Variants in ABCA12 observed in about 807,000 individuals in gnomAD.
The protein encoded by ABCA12 is glucosylceramide transporter ABCA12.
A neutral mutation model predicts 293.5 loss-of-function variants in ABCA12; 156 were observed. That is an observed-to-expected ratio of 0.53 (90% CI 0.47 to 0.61). The LOEUF (loss-of-function observed/expected upper bound fraction) is 0.61. Ranked by LOEUF, ABCA12 falls within the 20% of genes least tolerant of loss-of-function variation. The pLI is 0.00. For missense variants in ABCA12, 2,797 were observed against 3,090.2 expected (o/e 0.91, Z 2.25); for synonymous variants, 1,063 against 1,108.0 (o/e 0.96, Z 0.81).
chr2:215,108,913 C>T (rs918645301), intron 2 of ABCA12, among the ~76,000 whole-genome samples: 5 of 152,054 alleles, frequency 3.3e-5, no homozygotes, highest in Admixed American at 1.3e-4. Context: ...ACTAAAAATA[C>T]AAAAATTAGC....
Position 215,134,320 on chromosome 2 carries a change from A to G in ABCA12, c.69+3820T>C, listed in dbSNP as rs180990019. Among the ~76,000 whole-genome samples the G allele has an allele frequency of 1.7e-3, 254 of 147,110 alleles. 1 individual carries two copies. Among genetic ancestry groups the G allele is most frequent in the African/African-American group, 6.0e-3 (243 of 40,394 alleles). ...TACATATATACGTATATGTGTATAT[A>G]TGTATATATGTACATATATATGTAT... is the stretch of plus-strand genomic sequence containing the variant. On this transcript the variant is annotated intron_variant, in intron 1 of 52. Coordinates refer to ENST00000272895, the MANE Select transcript of ABCA12 (RefSeq NM_173076.3).
chr2:215,132,650 C>G (rs994539339), intron 1 of ABCA12, among the ~76,000 whole-genome samples: 4 of 152,002 alleles, frequency 2.6e-5, no homozygotes, highest in East Asian at 3.9e-4. Flanking sequence ...AGGTGAGTCT[C>G]TTGTAGACAG....
chr2:215,124,275 G>A (rs182177497), intron 1 of ABCA12, among the ~76,000 whole-genome samples: 1 of 152,270 alleles, frequency 6.6e-6, no homozygotes, highest in East Asian at 1.9e-4. Context: ...CTATAAACGT[G>A]TGTGCAAGTA....
In ABCA12 at chr2:215,052,535, A is replaced by G. The variant is rs1424310480; in HGVS notation, c.459T>C (p.Tyr153=). ...CGAGCACTTGACTGCCATTGAAAGT[A>G]TATGTTCCGGGGATTTCCAAATCAG... The part of the protein sequence containing the change: ...PSSDLEIPGT[Y]TFNGSQVLAR... Residue 153 remains tyrosine (Y), a synonymous_variant, in exon 5 of 53, where the codon TAT becomes TAC. Transcript: ENST00000272895. 4.3e-6 allele frequency: 7 copies of G among 1,612,772 alleles called. No homozygotes were observed. The South Asian group carries it at 4.4e-5, about 10-fold the overall frequency.
At chr2:214,981,407 C>T (rs1699649567) in intron 30 of ABCA12, among the ~76,000 whole-genome samples, 1 of 152,180 alleles carries the variant, frequency 6.6e-6, no homozygotes, top group African/African-American at 2.4e-5. Context: ...GCTTCACATC[C>T]TGTCAGCACT....
At chr2:214,936,890 G>A (rs1018752740) in intron 51 of ABCA12, among the ~76,000 whole-genome samples, 1 of 150,796 alleles carries the variant, frequency 6.6e-6, no homozygotes, top group African/African-American at 2.4e-5. Context: ...GATCAGCAAG[G>A]TATACAACTT....
At chr2:215,096,261 G>A (rs1411831170) in intron 2 of ABCA12, among the ~76,000 whole-genome samples, 20 of 152,126 alleles carry the variant, frequency 1.3e-4, no homozygotes, top group Non-Finnish European at 2.4e-4. Context: ...CTATGAAGTA[G>A]GTTCTTTGAT....
intron 14 of ABCA12, among the ~76,000 whole-genome samples, chr2:215,017,249 G>C (rs1700524876): frequency 6.6e-6 from 1 of 152,204 alleles, no homozygotes; most frequent in African/African-American, 2.4e-5. Flanking sequence ...TTGAATGGAT[G>C]AGGCCTTAAG....
chr2:215,005,618 A>C (rs1700235703), intron 19 of ABCA12, among the ~76,000 whole-genome samples: 1 of 152,184 alleles, frequency 6.6e-6, no homozygotes, highest in African/African-American at 2.4e-5. Flanking sequence ...TCTGTATCAG[A>C]GCATCACTAA....
At chr2:215,077,597 A>G (rs1701858200) in intron 2 of ABCA12, among the ~76,000 whole-genome samples, 1 of 152,226 alleles carries the variant, frequency 6.6e-6, no homozygotes, top group Non-Finnish European at 1.5e-5. Context: ...TCCACTGAGC[A>G]TCATCTGCTA....
At position 215,011,473 on chromosome 2, in the gene ABCA12, T is replaced by C. The variant is rs751015866; in HGVS notation, c.2298A>G (p.Gln766=). The change falls in exon 17 of 53, where the codon CAA becomes CAG. Residue 766 remains glutamine (Q), a synonymous_variant. Transcript: ENST00000272895. ...TGGGAATTCCATATTTTGAAGCAATTTGCTCTTTAGTTAATTTATAAGTCA... is the reference window on the plus strand; with the variant it reads ...TGGGAATTCCATATTTTGAAGCAATCTGCTCTTTAGTTAATTTATAAGTCA... The part of the protein sequence containing the change: ...DFLTYKLTKE[Q]IASKYGIPIN... 19 of 1,613,862 alleles carry C rather than the reference T, an allele frequency of 1.2e-5. No homozygotes were observed. The highest frequency in any genetic ancestry group is 1.4e-5 in the Non-Finnish European group (17 of 1,179,862).
At chr2:214,950,295 C>T (rs1420318626) in intron 45 of ABCA12, among the ~76,000 whole-genome samples, 8 of 151,562 alleles carry the variant, frequency 5.3e-5, no homozygotes, top group African/African-American at 1.7e-4. Context: ...ACCAATCTCC[C>T]ATGGATATGG....
At chr2:215,086,361 C>G (rs2106100861) in intron 2 of ABCA12, among the ~76,000 whole-genome samples, 1 of 152,302 alleles carries the variant, frequency 6.6e-6, no homozygotes, top group African/African-American at 2.4e-5. Flanking sequence ...AAATGAGAGC[C>G]TCTAGGAGAA....
At chr2:214,955,118 T>C (rs577930183) in intron 43 of ABCA12, 84 bp downstream of exon 43, 1 of 1,503,546 alleles carries the variant, frequency 6.7e-7, no homozygotes, top group African/African-American at 1.4e-5. Context: ...ATGATATTCT[T>C]CTTTTTTATG....
intron 8 of ABCA12, among the ~76,000 whole-genome samples, chr2:215,034,272 A>T (rs560299705): frequency 6.6e-6 from 1 of 152,170 alleles, no homozygotes; most frequent in Non-Finnish European, 1.5e-5. Flanking sequence ...TTAGGAGGCA[A>T]CTTTCTTCCC....
chr2:215,089,948 T>G (rs922334488), intron 2 of ABCA12, among the ~76,000 whole-genome samples: 1 of 152,150 alleles, frequency 6.6e-6, no homozygotes, highest in Non-Finnish European at 1.5e-5. Context: ...GTGTCAGGCC[T>G]CTGAGCCCAA....
rs140806560 is a variant in ABCA12 at position 215,111,494 on chromosome 2, C to G, written c.163+103G>C. 1.5e-3 allele frequency: 1,280 copies of G among 833,374 alleles called. 12 individuals are homozygous for G. In the African/African-American group the frequency reaches 0.02, roughly 13 times the overall value. 51.6% of individuals were successfully genotyped at this position (833,374 alleles called of 1,614,324 possible). On this transcript the variant is annotated intron_variant, in intron 2 of 52. Transcript: ENST00000272895. ...ATATTAATCCTTCCAAGTGAAAACA[C>G]TATACAAAAAAAAATTTTTGAAATG...
intron 1 of ABCA12, among the ~76,000 whole-genome samples, chr2:215,128,748 G>A (rs1466948097): frequency 6.6e-6 from 1 of 151,738 alleles, no homozygotes; most frequent in Non-Finnish European, 1.5e-5. Context: ...CCTTTCTCTG[G>A]TCCCTCCCTG....
At chr2:214,965,823 G>A (rs1214679796) in intron 39 of ABCA12, among the ~76,000 whole-genome samples, 1 of 152,182 alleles carries the variant, frequency 6.6e-6, no homozygotes, top group African/African-American at 2.4e-5. Context: ...GGAAGACAGT[G>A]TGGTGATTCC....
Sources: gnomAD v4.1 joint callset for allele counts (sites outside exome capture counted in the v4.1 genomes callset) on GRCh38, gnomAD v4.1.1 for gene constraint, MANE v1.5 for transcripts, NCBI Gene and HGNC (gene_info 2026-07-23, HGNC 2026-07-21) for gene names.